ENO4: variants seen among roughly 807,000 people sequenced by gnomAD.
The protein encoded by ENO4 is enolase 4.
In ENO4, 53 loss-of-function variants were observed where a neutral mutation model predicts 63.2. That is an observed-to-expected ratio of 0.84 (90% confidence interval 0.67 to 1.05). ENO4 has a LOEUF of 1.05. Among genes scored for constraint, ENO4 ranks in the 50% least tolerant of loss-of-function variants. The pLI is 0.00. For synonymous variants in ENO4, 266 were observed against 283.8 expected (o/e 0.94, Z 0.63); for missense variants, 719 against 772.0 (o/e 0.93, Z 0.81).
At chr10:116,858,925 G>C in intron 3 of ENO4, 65 bp from the exon 4 acceptor site, 1 of 1,123,638 alleles carries the variant, frequency 8.9e-7, no homozygotes, top group African/African-American at 1.6e-5. Context: ...TCTAAAACAT[G>C]ACCAAAATCA....
chr10:116,856,851 T>C (rs904217069), intron 3 of ENO4, among the ~76,000 whole-genome samples, 169 bp downstream of exon 3: 1 of 152,056 alleles, frequency 6.6e-6, no homozygotes, highest in South Asian at 2.1e-4. Context: ...TAGCCGGGCA[T>C]GGTGGTGGGC....
At chr10:116,901,478 A>G in intron 10 of ENO4, 1 of 985,200 alleles carries the variant, frequency 1.0e-6, no homozygotes, top group Non-Finnish European at 1.2e-6. Flanking sequence ...TTGTCTCCTG[A>G]CGCAGAGTCT....
chr10:116,857,564 T>C (rs1846300617), intron 3 of ENO4, among the ~76,000 whole-genome samples: 1 of 152,248 alleles, frequency 6.6e-6, no homozygotes, highest in African/African-American at 2.4e-5. Context: ...TTCTCTTTTC[T>C]TAAGCTTTAT....
At chr10:116,870,277 CTT>C (rs374556714) in intron 8 of ENO4, among the ~76,000 whole-genome samples, 3 of 152,192 alleles carry the variant, frequency 2.0e-5, no homozygotes, top group African/African-American at 7.2e-5. Context: ...TCAAGGCTGA[CTT>C]TGCAGTAGCT....
chr10:116,864,794 C>G (rs1846508973), intron 7 of ENO4, among the ~76,000 whole-genome samples: 1 of 152,052 alleles, frequency 6.6e-6, no homozygotes, highest in Non-Finnish European at 1.5e-5. Context: ...CTGAGGCGGG[C>G]AAATCACTTG....
At chr10:116,899,546 T>TGTGTGTGTGTGTGTGTGA (rs1311755308) in intron 10 of ENO4, among the ~76,000 whole-genome samples, 45 of 123,888 alleles carry the variant, frequency 3.6e-4, no homozygotes, top group African/African-American at 1.2e-3. Context: ...TGTGTGTGTG[T>TGTGTGTGTGTGTGTGTGA]GAGAGAGTGC....
At chr10:116,862,739 TTTTTATA>T (rs1208988773) in intron 6 of ENO4, 53 bp from the exon 7 acceptor site, 42 of 1,319,904 alleles carry the variant, frequency 3.2e-5, no homozygotes, top group Non-Finnish European at 4.3e-5. Context: ...GTGTTATAAG[TTTTTATA>T]CTTAAATTTT....
chr10:116,911,900 CAAT>C, downstream of ENO4: 2 of 1,273,306 alleles, frequency 1.6e-6, no homozygotes, highest in Non-Finnish European at 2.3e-6. Flanking sequence ...AAATACTAAA[CAAT>C]GATTTTTACA....
chr10:116,866,807 T>TAA, intron 7 of ENO4, among the ~76,000 whole-genome samples: 1 of 139,176 alleles, frequency 7.2e-6, no homozygotes, highest in East Asian at 2.1e-4. Flanking sequence ...CCTGTCCCAT[T>TAA]AAAAAAAAAA....
At chr10:116,907,836 G>C (rs1243657078) in intron 10 of ENO4, 3 of 511,768 alleles carry the variant, frequency 5.9e-6, no homozygotes, top group Non-Finnish European at 1.2e-5. Context: ...TGTCCACCAA[G>C]GCTAATAATC....
chr10:116,870,405 C>T (rs1371178354), intron 8 of ENO4, among the ~76,000 whole-genome samples: 6 of 152,166 alleles, frequency 3.9e-5, no homozygotes, highest in Admixed American at 1.3e-4. Context: ...CACCTGTAAT[C>T]ACAGCACTTT....
rs982917268 is a variant in ENO4 at position 116,859,043 on chromosome 10, A to G, written c.539A>G (p.Lys180Arg). 5.2e-6 allele frequency: 8 copies of G among 1,535,828 alleles called. No homozygotes were observed. The Admixed American group carries it at 5.9e-5, about 11-fold the overall frequency. The change falls in exon 4 of 14, where the codon AAG (lysine) becomes AGG (arginine). Residue 180 changes from lysine to arginine, a missense_variant. By Grantham distance (26) the Lys-to-Arg change is conservative. This residue lies in a region of ENO4 where 544 missense variants were observed against 583.6 expected (regional missense o/e 0.93). Transcript: ENST00000341276. ...QEDKGRKELE[K>R]SLEYSTVPTP... The stretch of plus-strand genomic sequence containing the variant: ...GATAAGGGGAGAAAAGAATTGGAAA[A>G]GAGCCTGGAATACTCAACAGTGCCT...
chr10:116,866,615 GA>G (rs1846554896), intron 7 of ENO4, among the ~76,000 whole-genome samples: 1 of 152,056 alleles, frequency 6.6e-6, no homozygotes, highest in Non-Finnish European at 1.5e-5. Flanking sequence ...AGGAGTTCAA[GA>G]CCAGCCTGGC....
intron 3 of ENO4, among the ~76,000 whole-genome samples, chr10:116,858,421 T>G (rs1846328105): frequency 1.3e-5 from 2 of 152,202 alleles, no homozygotes; most frequent in South Asian, 2.1e-4. Flanking sequence ...TTAATACATC[T>G]GATACAAATC....
chr10:116,901,304 A>G, intron 10 of ENO4: 1 of 985,354 alleles, frequency 1.0e-6, no homozygotes, highest in Non-Finnish European at 1.2e-6. Flanking sequence ...GTATGTTTTC[A>G]TTTTCAGGAT....
intron 6 of ENO4, 31 bp downstream of exon 6, chr10:116,861,221 T>TAA (rs56177931): frequency 1.7e-3 from 508 of 295,786 alleles, no homozygotes; most frequent in African/African-American, 7.8e-3. Flanking sequence ...TTACCTTTTC[T>TAA]AAAAAAAAAA....
chr10:116,887,345 C>T (rs60162197), downstream of ENO4, among the ~76,000 whole-genome samples: 1,230 of 152,254 alleles, frequency 8.1e-3, 14 homozygotes, highest in African/African-American at 0.028. Context: ...CTGAAACACC[C>T]GAAGGTTCAG....
intron 1 of ENO4, chr10:116,850,274 G>A (rs946995296): frequency 1.1e-5 from 2 of 177,934 alleles, no homozygotes; most frequent in African/African-American, 4.8e-5. Flanking sequence ...TCAGACCAAA[G>A]CCTTGCCCAC....
intron 7 of ENO4, among the ~76,000 whole-genome samples, chr10:116,864,938 T>C (rs1351229763): frequency 2.0e-5 from 3 of 151,690 alleles, no homozygotes; most frequent in Non-Finnish European, 4.4e-5. Context: ...GAGAATCACT[T>C]GAACCCAGAA....
Sources: gnomAD v4.1 joint callset for allele counts (sites outside exome capture counted in the v4.1 genomes callset) on GRCh38, gnomAD v4.1.1 for gene constraint, gnomAD v4.1.1 regional missense constraint, MANE v1.5 for transcripts, NCBI Gene and HGNC (gene_info 2026-07-23, HGNC 2026-07-21) for gene names.